The following TAOK1 variants were observed in gnomAD, a reference collection of about 807,000 sequenced individuals.
TAOK1 encodes serine/threonine-protein kinase TAO1.
In TAOK1, 21 loss-of-function variants were observed where a neutral mutation model predicts 138.3. That is an observed-to-expected ratio of 0.15 (90% CI 0.11 to 0.22). TAOK1 has a LOEUF of 0.22. TAOK1 is among the 10% of genes least tolerant of loss of function. The pLI, the probability that TAOK1 is intolerant of heterozygous loss-of-function variation, is 1.00. For missense variants in TAOK1, 651 were observed against 1,227.7 expected, an observed-to-expected ratio of 0.53 and a Z score of 7.02; for synonymous variants, 361 against 398.4, an observed-to-expected ratio of 0.91 and a Z score of 1.12.
At chr17:29,424,742 TTAACA>T (rs1301119423) in intron 1 of TAOK1, 16 of 152,340 alleles carry the variant, frequency 1.1e-4, no homozygotes, top group African/African-American at 9.6e-5. Context: ...TTTGTACAAC[TTAACA>T]TAAGTTTAAA....
At chr17:29,443,884 GCGGGCAGATTA>G (rs2030009613) in intron 1 of TAOK1, among the ~76,000 whole-genome samples, 1 of 152,330 alleles carries the variant, frequency 6.6e-6, no homozygotes, top group South Asian at 2.1e-4. Context: ...GGAGGCCGAA[GCGGGCAGATTA>G]CCTGAGGTCA....
At chr17:29,511,159 G>GATTAT in intron 15 of TAOK1, 167 bp downstream of exon 15, 1 of 430,720 alleles carries the variant, frequency 2.3e-6, no homozygotes, top group Non-Finnish European at 4.0e-6. Context: ...ACCCTTAACT[G>GATTAT]AGTCATTTAG....
chr17:29,544,078 G>A lies in TAOK1; in HGVS notation c.*1056G>A, dbSNP rs1449489421. On this transcript the variant is annotated 3_prime_UTR_variant, in exon 20 of 20. Transcript: ENST00000261716. ...ATATAGCCAATACAAATCAAATGCCGGAGGTGTTTGATGCCATATTTGCAA... is the reference window on the plus strand; with the variant it reads ...ATATAGCCAATACAAATCAAATGCCAGAGGTGTTTGATGCCATATTTGCAA... 6.6e-6 allele frequency: 1 copy of A among 152,568 alleles called. No individual in the cohort carries two copies. The highest frequency in any genetic ancestry group is 1.5e-5 in the Non-Finnish European group (1 of 68,018). The allele number at this position is 152,568 out of a possible 1,614,324, so 9.5% of individuals were successfully genotyped here.
chr17:29,467,000 G>A (rs2030684455), intron 2 of TAOK1, 145 bp from the exon 3 acceptor site: 1 of 466,684 alleles, frequency 2.1e-6, no homozygotes, highest in South Asian at 4.0e-5. Context: ...GCTGTATAGT[G>A]TTATTTTTAA....
intron 1 of TAOK1, among the ~76,000 whole-genome samples, chr17:29,420,429 A>G (rs1436278919): frequency 6.6e-6 from 1 of 152,038 alleles, no homozygotes; most frequent in East Asian, 1.9e-4. Context: ...TTCTGTGTAC[A>G]CAATTACGTT....
intron 1 of TAOK1, among the ~76,000 whole-genome samples, chr17:29,409,485 C>T (rs1026891538): frequency 2.6e-4 from 39 of 151,710 alleles, no homozygotes; most frequent in African/African-American, 9.2e-4. Flanking sequence ...CAGGCGTCCG[C>T]ACCATATCTG....
chr17:29,455,729 GTT>G lies in TAOK1; in HGVS notation c.132+4058_132+4059del, dbSNP rs60679808. Among the ~76,000 whole-genome samples, 60 of 147,580 alleles carry G rather than the reference GTT, an allele frequency of 4.1e-4. 5 individuals are homozygous for G. The highest frequency in any genetic ancestry group is 1.4e-3 in the African/African-American group (55 of 38,412). Reference sequence around the variant, plus strand: ...TTTTCTGCATCAAGCTGGATCATGTGTTTTTTTTTTCCTTCATTTTATTAATG... The same window carrying G: ...TTTTCTGCATCAAGCTGGATCATGTGTTTTTTTTCCTTCATTTTATTAATG... On this transcript the variant is annotated intron_variant, in intron 2 of 19. Coordinates refer to ENST00000261716, the MANE Select transcript of TAOK1 (RefSeq NM_020791.4).
intron 3 of TAOK1, among the ~76,000 whole-genome samples, chr17:29,474,135 C>G (rs1206402286): frequency 3.3e-5 from 5 of 152,182 alleles, no homozygotes; most frequent in Admixed American, 1.3e-4. Context: ...TCTCACCTCT[C>G]TCAGCCTTTG....
chr17:29,405,448 A>G (rs1904963569), intron 1 of TAOK1, among the ~76,000 whole-genome samples: 3 of 152,216 alleles, frequency 2.0e-5, no homozygotes, highest in Admixed American at 6.5e-5. Context: ...TGAAAACACC[A>G]AGTCAAGATA....
intron 1 of TAOK1, among the ~76,000 whole-genome samples, chr17:29,399,898 T>A (rs1323722522): frequency 6.6e-6 from 1 of 151,648 alleles, no homozygotes; most frequent in African/African-American, 2.4e-5. Context: ...CCTGGCTAAT[T>A]TTTTTTTATT....
intron 7 of TAOK1, 106 bp downstream of exon 7, chr17:29,480,587 G>A (rs763689020): frequency 1.1e-5 from 11 of 965,838 alleles, no homozygotes; most frequent in East Asian, 2.9e-5. Flanking sequence ...TGTTAAACTC[G>A]GCCAGGTGCA....
chr17:29,407,708 A>G (rs1438523536), intron 1 of TAOK1, among the ~76,000 whole-genome samples: 1 of 152,032 alleles, frequency 6.6e-6, no homozygotes, highest in African/African-American at 2.4e-5. Flanking sequence ...TGGCCTCCCA[A>G]AGTGCTGGGA....
chr17:29,480,229 C>T, intron 6 of TAOK1, 139 bp from the exon 7 acceptor site: 1 of 471,630 alleles, frequency 2.1e-6, no homozygotes, highest in Non-Finnish European at 3.6e-6. Context: ...TTCTCCTTAT[C>T]CCAATTGTGA....
chr17:29,451,837 AGTGT>A, intron 2 of TAOK1, 157 bp downstream of exon 2: 1 of 675,622 alleles, frequency 1.5e-6, no homozygotes. Context: ...AGCGTGGGTG[AGTGT>A]GTGTGTCTGT....
chr17:29,405,697 T>G (rs1904971343), intron 1 of TAOK1, among the ~76,000 whole-genome samples: 1 of 152,062 alleles, frequency 6.6e-6, no homozygotes, highest in South Asian at 2.1e-4. Context: ...GAGAATTGCT[T>G]GAACCTGGGA....
chr17:29,518,048 C>CT (rs1403667250), intron 16 of TAOK1, among the ~76,000 whole-genome samples: 5 of 152,018 alleles, frequency 3.3e-5, no homozygotes, highest in African/African-American at 1.2e-4. Flanking sequence ...TAGACATGGG[C>CT]TTTCGCCATG....
At chr17:29,448,114 G>A (rs1436777975) in intron 1 of TAOK1, among the ~76,000 whole-genome samples, 1 of 150,492 alleles carries the variant, frequency 6.6e-6, no homozygotes, top group Non-Finnish European at 1.5e-5. Flanking sequence ...TGCTTTGCAT[G>A]TAGATCATAG....
At chr17:29,474,695 T>A (rs1438993458) in intron 3 of TAOK1, among the ~76,000 whole-genome samples, 2 of 152,078 alleles carry the variant, frequency 1.3e-5, no homozygotes, top group African/African-American at 2.4e-5. Context: ...TGATCACAGA[T>A]CACCATAACA....
intron 13 of TAOK1, among the ~76,000 whole-genome samples, chr17:29,506,231 T>C (rs2153029069): frequency 6.6e-6 from 1 of 152,278 alleles, no homozygotes; most frequent in South Asian, 2.1e-4. Context: ...TATCAGTGGA[T>C]GAGTGGATAA....
Sources: gnomAD v4.1 joint callset for allele counts (sites outside exome capture counted in the v4.1 genomes callset) on GRCh38, gnomAD v4.1.1 for gene constraint, MANE v1.5 for transcripts, NCBI Gene and HGNC (gene_info 2026-07-23, HGNC 2026-07-21) for gene names.